Variants in CNOT1 observed in about 807,000 individuals in gnomAD.
CNOT1 encodes the protein CCR4-associated factor 1.
Under a neutral mutation model 273.8 loss-of-function variants are expected in CNOT1, and 15 were observed. The ratio of observed to expected loss-of-function variants is 0.05; its 90% CI spans 0.04 to 0.08. The LOEUF (loss-of-function observed/expected upper bound fraction) is 0.08, where lower values mean the gene tolerates loss of function less well. Ranked by LOEUF, CNOT1 falls within the 10% of genes least tolerant of loss-of-function variation. The pLI, the probability that CNOT1 is intolerant of heterozygous loss-of-function variation, is 1.00. For synonymous variants in CNOT1, 1,022 were observed against 1,005.5 expected (o/e 1.02, Z -0.31); for missense variants, 1,644 against 2,912.2 (o/e 0.56, Z 10.02).
intron 1 of CNOT1, among the ~76,000 whole-genome samples, chr16:58,600,068 G>GA (rs1052355520): frequency 4.0e-5 from 6 of 150,160 alleles, no homozygotes; most frequent in African/African-American, 7.3e-5. Flanking sequence ...CAACTTGGGG[G>GA]AAAAAAAAAT....
intron 33 of CNOT1, among the ~76,000 whole-genome samples, 184 bp downstream of exon 33, chr16:58,542,047 A>C (rs919119261): frequency 6.6e-6 from 1 of 152,252 alleles, no homozygotes; most frequent in Non-Finnish European, 1.5e-5. Flanking sequence ...GGAGCAAGGG[A>C]ATTTAGAGCT....
chr16:58,577,861 A>G (rs1004855222), intron 13 of CNOT1, among the ~76,000 whole-genome samples: 1 of 151,758 alleles, frequency 6.6e-6, no homozygotes, highest in African/African-American at 2.4e-5. Flanking sequence ...AAAAAAAAAA[A>G]GTAGGGGAGG....
At chr16:58,527,931 C>T (rs979478578) in intron 44 of CNOT1, 2 of 260,128 alleles carry the variant, frequency 7.7e-6, no homozygotes, top group Admixed American at 1.1e-4. Context: ...ACCTGGCTGA[C>T]ATGGCGAAAC....
At chr16:58,627,921 G>T (rs927682883) in intron 1 of CNOT1, among the ~76,000 whole-genome samples, 2 of 152,092 alleles carry the variant, frequency 1.3e-5, no homozygotes, top group African/African-American at 2.4e-5. Flanking sequence ...TCCGCCTCCC[G>T]GGTTCAAGCA....
chr16:58,577,402 A>G (rs1475223841), intron 13 of CNOT1, among the ~76,000 whole-genome samples: 1 of 152,166 alleles, frequency 6.6e-6, no homozygotes, highest in Non-Finnish European at 1.5e-5. Context: ...GTAAACTGTT[A>G]AAGTCTACAA....
At chr16:58,583,528 G>A (rs1246865392) in intron 8 of CNOT1, among the ~76,000 whole-genome samples, 1 of 152,176 alleles carries the variant, frequency 6.6e-6, no homozygotes, top group Non-Finnish European at 1.5e-5. Context: ...TTATCAGTCT[G>A]TGGCCTGTTA....
At chr16:58,594,217 C>G (rs2042166439) in intron 2 of CNOT1, among the ~76,000 whole-genome samples, 1 of 152,018 alleles carries the variant, frequency 6.6e-6, no homozygotes, top group Non-Finnish European at 1.5e-5. Flanking sequence ...GTACTCCAGC[C>G]TGGGCAACAA....
chr16:58,606,011 G>C (rs1477741133), intron 1 of CNOT1, among the ~76,000 whole-genome samples: 1 of 152,080 alleles, frequency 6.6e-6, no homozygotes, highest in Non-Finnish European at 1.5e-5. Flanking sequence ...ACGATGCACA[G>C]TGCAAATGAA....
chr16:58,522,045 C>G (rs887398798), intron 47 of CNOT1, among the ~76,000 whole-genome samples: 2 of 151,560 alleles, frequency 1.3e-5, no homozygotes, highest in Non-Finnish European at 2.9e-5. Context: ...GCAGGCTGGG[C>G]ACAGTGACTC....
At chr16:58,575,219 G>C in intron 14 of CNOT1, 90 bp from the exon 15 acceptor site, 1 of 1,530,544 alleles carries the variant, frequency 6.5e-7, no homozygotes, top group Non-Finnish European at 8.7e-7. Flanking sequence ...CCACAAACAA[G>C]TTCAAATAAA....
chr16:58,602,423 C>A (rs1257790127), intron 1 of CNOT1, among the ~76,000 whole-genome samples: 4 of 151,738 alleles, frequency 2.6e-5, no homozygotes, highest in African/African-American at 9.7e-5. Flanking sequence ...TGTGGTGGTG[C>A]ACACCTATAA....
chr16:58,567,611 C>G (rs2041103232), intron 16 of CNOT1, among the ~76,000 whole-genome samples: 1 of 150,908 alleles, frequency 6.6e-6, no homozygotes, highest in African/African-American at 2.4e-5. Flanking sequence ...CTGACTTCCT[C>G]TCCTTCATAA....
chr16:58,612,750 A>C (rs1194036745), intron 1 of CNOT1, among the ~76,000 whole-genome samples: 2 of 152,180 alleles, frequency 1.3e-5, no homozygotes, highest in Non-Finnish European at 2.9e-5. Context: ...AAGGCTGATT[A>C]TACACTTACT....
intron 2 of CNOT1, among the ~76,000 whole-genome samples, chr16:58,596,596 G>A (rs67861272): frequency 0.28 from 42,288 of 151,828 alleles, 6,432 homozygotes; most frequent in East Asian, 0.57. Context: ...ATACTAAAAA[G>A]TCAATTTACC....
chr16:58,592,711 C>T (rs1386672944), intron 2 of CNOT1, among the ~76,000 whole-genome samples: 2 of 152,070 alleles, frequency 1.3e-5, no homozygotes, highest in African/African-American at 4.8e-5. Flanking sequence ...GACAAATGCC[C>T]CAAAACATAC....
In CNOT1 at chr16:58,547,409, T is replaced by C. The variant is rs1184025306; in HGVS notation, c.3640-113A>G. The stretch of plus-strand genomic sequence containing the variant: ...ATCCCCAAAACAGGAATCAACATAA[T>C]GTCTAGTCCTTGCCTTACAAAAAGG... On this transcript the variant is annotated intron_variant, in intron 26 of 48. Coordinates refer to ENST00000317147, the MANE Select transcript of CNOT1 (RefSeq NM_016284.5). This position sits in a 1 kb window ranked among gnomAD's most constrained non-coding sequence, Gnocchi z 4.0. 1 of 1,528,686 alleles carries C rather than the reference T, an allele frequency of 6.5e-7. No individual in the cohort carries two copies. The highest frequency in any genetic ancestry group is 8.8e-7 in the Non-Finnish European group (1 of 1,133,472). The allele number at this position is 1,528,686 out of a possible 1,614,324, so 94.7% of individuals were successfully genotyped here.
chr16:58,627,825 G>A (rs1436118995), intron 1 of CNOT1, among the ~76,000 whole-genome samples: 2 of 152,008 alleles, frequency 1.3e-5, no homozygotes, highest in African/African-American at 2.4e-5. Flanking sequence ...ATGTCTTTGC[G>A]CCTTCATTCT....
intron 8 of CNOT1, 23 bp downstream of exon 8, chr16:58,585,315 G>C (rs749765787): frequency 6.2e-7 from 1 of 1,612,884 alleles, no homozygotes. Context: ...ATAATCAGAA[G>C]CTTAACACAT....
chr16:58,522,498 C>T (rs942350650), intron 47 of CNOT1, among the ~76,000 whole-genome samples: 14 of 86,696 alleles, frequency 1.6e-4, no homozygotes, highest in African/African-American at 5.3e-4. Context: ...ATATTTAGCA[C>T]CATAGGTGAC....
Sources: gnomAD v4.1 joint callset for allele counts (sites outside exome capture counted in the v4.1 genomes callset) on GRCh38, gnomAD v4.1.1 for gene constraint, Gnocchi (gnomAD v3.1) non-coding constraint, MANE v1.5 for transcripts, NCBI Gene and HGNC (gene_info 2026-07-23, HGNC 2026-07-21) for gene names.